ARHGAP8: variants seen among roughly 807,000 people sequenced by gnomAD.
The protein encoded by ARHGAP8 is Rho GTPase activating protein 8.
Under a neutral mutation model 46.1 loss-of-function variants are expected in ARHGAP8, and 62 were observed. That is an observed-to-expected ratio of 1.34 (90% CI 1.10 to 1.66). The LOEUF (loss-of-function observed/expected upper bound fraction) is 1.66, where lower values mean the gene tolerates loss of function less well. Among genes scored for constraint, ARHGAP8 ranks in the 40% most tolerant of loss-of-function variants. ARHGAP8 has a pLI of 0.00. For missense variants in ARHGAP8, 923 were observed against 568.4 expected (o/e 1.62, Z -6.34); for synonymous variants, 375 against 243.1 (o/e 1.54, Z -5.05).
intron 5 of ARHGAP8, among the ~76,000 whole-genome samples, chr22:44,817,983 C>T (rs12157973): frequency 9.2e-5 from 14 of 152,120 alleles, no homozygotes; most frequent in Admixed American, 2.6e-4. Flanking sequence ...GGCATGGTGG[C>T]GCGTACCTTA....
At chr22:44,825,698 C>T in intron 7 of ARHGAP8, 105 bp downstream of exon 7, 5 of 1,291,812 alleles carry the variant, frequency 3.9e-6, no homozygotes, top group Non-Finnish European at 5.3e-6. Flanking sequence ...TCTCCAGCAG[C>T]CAAGCTGAAC....
In ARHGAP8 at chr22:44,858,629, C is replaced by G. The variant is rs539810268; in HGVS notation, c.878-1102C>G. ...CAAGTGATGTGCCTGCCTCGGCCTC[C>G]CAAAGTGTTGGGATTACAGGCATGA... On this transcript the variant is annotated intron_variant, in intron 10 of 11. Transcript: ENST00000356099. Among the ~76,000 whole-genome samples, 39 of 150,232 alleles carry G rather than the reference C, an allele frequency of 2.6e-4. No homozygotes were observed. The South Asian group carries it at 7.4e-3, about 29-fold the overall frequency.
At chr22:44,785,808 C>T (rs1289533441) in intron 1 of ARHGAP8, among the ~76,000 whole-genome samples, 2 of 152,136 alleles carry the variant, frequency 1.3e-5, no homozygotes, top group African/African-American at 4.8e-5. Context: ...TTCTTTCTTC[C>T]TCATATGGCA....
chr22:44,834,132 C>G lies in ARHGAP8; in HGVS notation c.596+8539C>G, dbSNP rs73892308. ...TTTGATGATGTTCTCTGTTATTTTCCTATTTTCTATTTATTTCTACTCCAG... is the reference window on the plus strand; with the variant it reads ...TTTGATGATGTTCTCTGTTATTTTCGTATTTTCTATTTATTTCTACTCCAG... On this transcript the variant is annotated intron_variant, in intron 7 of 11. Transcript: ENST00000356099. Among the ~76,000 whole-genome samples the G allele has an allele frequency of 2.7e-3, 403 of 151,980 alleles. 5 individuals are homozygous for G. Among genetic ancestry groups the G allele is most frequent in the African/African-American group, 9.2e-3 (380 of 41,484 alleles).
chr22:44,808,515 C>T (rs924114018), intron 4 of ARHGAP8, 77 bp downstream of exon 4: 18 of 1,570,252 alleles, frequency 1.1e-5, no homozygotes, highest in Admixed American at 9.0e-5. Context: ...CACAAGGGGT[C>T]GCAGAGTGTG....
chr22:44,761,453 G>A (rs1303998701), intron 1 of ARHGAP8, among the ~76,000 whole-genome samples: 3 of 152,222 alleles, frequency 2.0e-5, no homozygotes, highest in African/African-American at 7.2e-5. Flanking sequence ...TTTACATTGT[G>A]TTAAGTGTTA....
At chr22:44,769,352 C>T (rs531286170) in intron 1 of ARHGAP8, among the ~76,000 whole-genome samples, 2 of 152,300 alleles carry the variant, frequency 1.3e-5, no homozygotes, top group East Asian at 3.9e-4. Flanking sequence ...CTCATGCTGT[C>T]CTGATTAGTG....
At chr22:44,813,759 A>G (rs1025831734) in intron 4 of ARHGAP8, among the ~76,000 whole-genome samples, 2 of 148,138 alleles carry the variant, frequency 1.4e-5, no homozygotes, top group Non-Finnish European at 3.0e-5. Flanking sequence ...ATACACACCT[A>G]TATACACTTA....
intron 10 of ARHGAP8, among the ~76,000 whole-genome samples, chr22:44,852,676 G>A (rs1016414553): frequency 6.6e-6 from 1 of 152,212 alleles, no homozygotes; most frequent in Non-Finnish European, 1.5e-5. Context: ...GGAGGTAGCG[G>A]TGGAGGTGGG....
At position 44,808,365 on chromosome 22, in the gene ARHGAP8, C is replaced by A; in HGVS notation, c.226C>A (p.His76Asn). ...GAACGATTATACCATCGTCTATTTC[C>A]ACTACGGGCTGAACAGCCGGAACAA... Reference protein sequence around the residue: ...VENDYTIVYFHYGLNSRNKPS... With the variant: ...VENDYTIVYFNYGLNSRNKPS... Residue 76 changes from histidine (H) to asparagine (N), a missense_variant, in exon 4 of 12, where the codon CAC becomes AAC. Transcript: ENST00000356099. The A allele has an allele frequency of 6.2e-7, 1 of 1,614,238 alleles. No individual in the cohort carries two copies. The highest frequency in any genetic ancestry group is 8.5e-7 in the Non-Finnish European group (1 of 1,180,044).
chr22:44,797,138 T>C (rs1428208559), intron 2 of ARHGAP8, among the ~76,000 whole-genome samples: 3 of 151,990 alleles, frequency 2.0e-5, no homozygotes, highest in Admixed American at 6.5e-5. Flanking sequence ...GTTGAGCTGA[T>C]CTTCCATTGG....
chr22:44,835,232 TA>T (rs1931205036), intron 7 of ARHGAP8, among the ~76,000 whole-genome samples: 1 of 70,086 alleles, frequency 1.4e-5, no homozygotes, highest in Non-Finnish European at 2.6e-5. Flanking sequence ...TTTCTTTTGC[TA>T]TATATATATA....
chr22:44,792,482 G>C (rs559961938), intron 2 of ARHGAP8, among the ~76,000 whole-genome samples: 1 of 152,128 alleles, frequency 6.6e-6, no homozygotes, highest in African/African-American at 2.4e-5. Context: ...TGAGTTTTCT[G>C]TGGGCCCAGG....
At chr22:44,784,578 A>T (rs1410295365) in intron 1 of ARHGAP8, among the ~76,000 whole-genome samples, 1 of 152,170 alleles carries the variant, frequency 6.6e-6, no homozygotes, top group Non-Finnish European at 1.5e-5. Context: ...AGATTTTGGT[A>T]TCCCTGGGGG....
chr22:44,824,131 C>T (rs1043803595), intron 6 of ARHGAP8, among the ~76,000 whole-genome samples: 2 of 152,178 alleles, frequency 1.3e-5, no homozygotes, highest in African/African-American at 2.4e-5. Flanking sequence ...ACTGGCACAG[C>T]GGCAGGGCAG....
In ARHGAP8 at chr22:44,860,667, A is replaced by G. The variant is rs564683427; in HGVS notation, c.981+833A>G. Among the ~76,000 whole-genome samples the G allele has an allele frequency of 2.0e-5, 3 of 152,124 alleles. No individual in the cohort carries two copies. The East Asian group carries it at 5.8e-4, about 29-fold the overall frequency. On this transcript the variant is annotated intron_variant, in intron 11 of 11. Transcript: ENST00000356099. Reference sequence around the variant, plus strand: ...CACCAGGCTAAGCAAATGACCAGAGAGAGAGAAACCCTTCAGTGCTCTGGG... The same window carrying G: ...CACCAGGCTAAGCAAATGACCAGAGGGAGAGAAACCCTTCAGTGCTCTGGG...
intron 10 of ARHGAP8, among the ~76,000 whole-genome samples, chr22:44,855,615 TTTTTG>T (rs762945839): frequency 5.9e-5 from 9 of 152,166 alleles, no homozygotes; most frequent in Non-Finnish European, 1.2e-4. Context: ...TTAACCTTGT[TTTTTG>T]TTTTGTTTTG....
Position 44,816,015 on chromosome 22 carries a change from G to A in ARHGAP8, c.386+1257G>A, listed in dbSNP as rs187948470. ...GAGGTGGCTGCCTCTGTGAGAGGGC[G>A]GGAGGACTCCTGGAGGGCCTCCCTA... On this transcript the variant is annotated intron_variant, in intron 5 of 11. Coordinates refer to ENST00000356099, the MANE Select transcript of ARHGAP8 (RefSeq NM_181335.3). Among the ~76,000 whole-genome samples, 8 of 152,242 alleles carry A rather than the reference G, an allele frequency of 5.3e-5. No individual in the cohort carries two copies. In the East Asian group the frequency reaches 1.4e-3, roughly 26 times the overall value.
At chr22:44,855,184 C>T (rs550855866) in intron 10 of ARHGAP8, among the ~76,000 whole-genome samples, 55 of 152,240 alleles carry the variant, frequency 3.6e-4, no homozygotes, top group African/African-American at 1.2e-3. Context: ...ACATAACATA[C>T]ATGCGTAGAC....
Sources: allele counts gnomAD v4.1 joint callset (sites outside exome capture counted in the v4.1 genomes callset), GRCh38; gene constraint gnomAD v4.1.1; transcripts MANE v1.5; gene names NCBI Gene and HGNC (gene_info 2026-07-23, HGNC 2026-07-21).